USP14: variants seen among roughly 807,000 people sequenced by gnomAD.
USP14 encodes the protein ubiquitin specific peptidase 14, also known as ubiquitin carboxyl-terminal hydrolase 14.
USP14 carries 38 observed loss-of-function variants against 76.5 expected under a neutral mutation model. The observed-to-expected ratio is 0.50, with a 90% CI of 0.38 to 0.65. USP14 has a LOEUF of 0.65. Ranked by LOEUF, USP14 falls within the 30% of genes least tolerant of loss-of-function variation. USP14 has a pLI of 0.00. For synonymous variants in USP14, 192 were observed against 191.7 expected, an observed-to-expected ratio of 1.00 and a Z score of -0.01; for missense variants, 467 against 586.5, an observed-to-expected ratio of 0.80 and a Z score of 2.10.
chr18:186,282 C>T (rs867229038), intron 5 of USP14, among the ~76,000 whole-genome samples: 1 of 152,144 alleles, frequency 6.6e-6, no homozygotes, highest in African/African-American at 2.4e-5. Context: ...CATAGTGAGA[C>T]CCGCATCTCT....
chr18:198,235 T>C, intron 9 of USP14, 103 bp downstream of exon 9: 1 of 1,054,410 alleles, frequency 9.5e-7, no homozygotes, highest in South Asian at 2.2e-5. Context: ...AGAAAAATTC[T>C]TCAGAGGTTT....
At chr18:189,076 A>G (rs1485735988) in intron 5 of USP14, among the ~76,000 whole-genome samples, 1 of 152,062 alleles carries the variant, frequency 6.6e-6, no homozygotes, top group East Asian at 1.9e-4. Context: ...ATTTCAGCTT[A>G]AGAGTTATTC....
intron 5 of USP14, among the ~76,000 whole-genome samples, chr18:189,291 G>A (rs1346795429): frequency 3.3e-5 from 5 of 151,754 alleles, no homozygotes; most frequent in African/African-American, 9.7e-5. Context: ...GTTTACCTTA[G>A]GCTTGTTTTA....
chr18:211,350 C>T lies in USP14; in HGVS notation c.*66C>T. 1.3e-6 allele frequency: 2 copies of T among 1,526,352 alleles called. No individual in the cohort carries two copies. The highest frequency in any genetic ancestry group is 1.8e-6 in the Non-Finnish European group (2 of 1,126,790). 94.6% of individuals were successfully genotyped at this position (1,526,352 alleles called of 1,614,324 possible). ...TTATTTGTTGATCATTTCTATAATC[C>T]AGAGCTTTAGAGGAAGACACATAGG... On this transcript the variant is annotated 3_prime_UTR_variant, in exon 16 of 16. Transcript: ENST00000261601.
At chr18:197,419 G>C (rs1910267034) in intron 7 of USP14, among the ~76,000 whole-genome samples, 197 bp from the exon 8 acceptor site, 1 of 152,112 alleles carries the variant, frequency 6.6e-6, no homozygotes, top group Non-Finnish European at 1.5e-5. Context: ...AGCACAAATT[G>C]GAGCTCAGCA....
chr18:209,474 C>A lies in USP14; in HGVS notation c.1165-497C>A, dbSNP rs139471110. Among the ~76,000 whole-genome samples the A allele has an allele frequency of 5.3e-3, 814 of 152,314 alleles. 8 individuals are homozygous for A. The highest frequency in any genetic ancestry group is 0.019 in the African/African-American group (773 of 41,570). On this transcript the variant is annotated intron_variant, in intron 13 of 15. Transcript: ENST00000261601. ...TCCTTGTCTAATTTAAATCATACCT[C>A]TTTAATGTAGGTAAGTCTTTGCTGA... is the stretch of plus-strand genomic sequence containing the variant.
intron 5 of USP14, among the ~76,000 whole-genome samples, chr18:189,276 T>C (rs1197549371): frequency 6.6e-6 from 1 of 152,184 alleles, no homozygotes; most frequent in Non-Finnish European, 1.5e-5. Flanking sequence ...TTTTTTCTTA[T>C]TTCTGTTTAC....
intron 5 of USP14, among the ~76,000 whole-genome samples, chr18:181,910 G>A (rs1909799049): frequency 6.6e-6 from 1 of 151,890 alleles, no homozygotes; most frequent in Non-Finnish European, 1.5e-5. Context: ...TGGGAGGGAG[G>A]GAGGTATTTG....
chr18:205,587 A>G (rs904072699), intron 13 of USP14, among the ~76,000 whole-genome samples: 1 of 152,164 alleles, frequency 6.6e-6, no homozygotes, highest in Non-Finnish European at 1.5e-5. Context: ...TGTCCTGGGC[A>G]ACGTAGTGAA....
Position 185,592 on chromosome 18 carries a change from G to A in USP14, c.404+5253G>A, listed in dbSNP as rs944043720. 2.6e-5 allele frequency among the ~76,000 whole-genome samples: 4 copies of A among 152,092 alleles called. No homozygotes were observed. The East Asian group carries it at 5.8e-4, about 22-fold the overall frequency. ...CATCTCACAGCTGTCTAGGGGATAT[G>A]TTCATTGAGTGGAATTGCATGTGGG... On this transcript the variant is annotated intron_variant, in intron 5 of 15. Coordinates refer to ENST00000261601, the MANE Select transcript of USP14 (RefSeq NM_005151.4).
intron 3 of USP14, among the ~76,000 whole-genome samples, chr18:172,299 A>G (rs768160862): frequency 4.9e-4 from 75 of 152,210 alleles, no homozygotes; most frequent in Non-Finnish European, 6.5e-4. Context: ...CCACAATCTC[A>G]TGATACAACT....
At chr18:171,055 T>TAA in intron 3 of USP14, among the ~76,000 whole-genome samples, 1 of 132,238 alleles carries the variant, frequency 7.6e-6, no homozygotes, top group Non-Finnish European at 1.6e-5. Flanking sequence ...TATATATATA[T>TAA]AAACTGAAGC....
chr18:167,546 C>T (rs909208753), intron 3 of USP14, among the ~76,000 whole-genome samples: 5 of 151,834 alleles, frequency 3.3e-5, no homozygotes, highest in African/African-American at 1.2e-4. Context: ...CTCACTCTCA[C>T]GTATGCCGGA....
At chr18:184,769 AAAAAT>A (rs1019975368) in intron 5 of USP14, among the ~76,000 whole-genome samples, 7 of 152,292 alleles carry the variant, frequency 4.6e-5, no homozygotes, top group Admixed American at 1.3e-4. Context: ...CCCTGTCTCA[AAAAAT>A]AAAATAAAAT....
At position 211,146 on chromosome 18, in the gene USP14, G is replaced by A; in HGVS notation, c.1347G>A (p.Lys449=). ...CCTGTTATTTAGATGAATGGATTAA[G>A]TTTGATGATGACAAAGTCAGCATCG... The part of the protein sequence containing the change: ...WVKRKQDEWI[K]FDDDKVSIVT... Residue 449 remains lysine, a synonymous_variant, in exon 16 of 16, where the codon AAG becomes AAA. Coordinates refer to ENST00000261601, the MANE Select transcript of USP14 (RefSeq NM_005151.4). 1 of 1,613,302 alleles carries A rather than the reference G, an allele frequency of 6.2e-7. No homozygotes were observed. Among genetic ancestry groups the A allele is most frequent in the Non-Finnish European group, 8.5e-7 (1 of 1,179,594 alleles).
chr18:212,517 T>C lies in USP14; in HGVS notation c.*1233T>C, dbSNP rs1910696573. 1.3e-5 allele frequency: 2 copies of C among 152,360 alleles called. No individual in the cohort carries two copies. The highest frequency in any genetic ancestry group is 2.9e-5 in the Non-Finnish European group (2 of 68,274). The allele number at this position is 152,360 out of a possible 1,614,324, so 9.4% of individuals were successfully genotyped here. A position where few individuals can be genotyped will look rare whatever the true frequency, so the allele number is the denominator to read the frequency against. On this transcript the variant is annotated 3_prime_UTR_variant, in exon 16 of 16. Transcript: ENST00000261601. ...TACTTGGGAGGCTGAGGTGGGAGAA[T>C]TGCTTGAACCTGGAAGGCAGAAGTT...
intron 15 of USP14, 73 bp from the exon 16 acceptor site, chr18:211,060 T>C (rs1196306883): frequency 2.7e-6 from 4 of 1,505,776 alleles, no homozygotes; most frequent in African/African-American, 1.4e-5. Context: ...GATGACTTGA[T>C]ACTTTTTTTG....
chr18:200,994 G>A (rs1336511355), intron 10 of USP14, among the ~76,000 whole-genome samples: 1 of 151,980 alleles, frequency 6.6e-6, no homozygotes, highest in Non-Finnish European at 1.5e-5. Context: ...ATAGAGACAG[G>A]GTTTTGTCAT....
intron 6 of USP14, 86 bp from the exon 7 acceptor site, chr18:196,551 T>C (rs991419986): frequency 1.4e-6 from 2 of 1,451,000 alleles, no homozygotes; most frequent in Admixed American, 4.6e-5. Context: ...AGTAAGTTTT[T>C]GTTTGTATTA....
Sources: allele counts gnomAD v4.1 joint callset (sites outside exome capture counted in the v4.1 genomes callset), GRCh38; gene constraint gnomAD v4.1.1; transcripts MANE v1.5; gene names NCBI Gene and HGNC (gene_info 2026-07-23, HGNC 2026-07-21).